SMARCA2: variants seen among roughly 807,000 people sequenced by gnomAD.
SMARCA2 encodes the protein SWI/SNF related BAF chromatin remodeling complex subunit ATPase 2.
In SMARCA2, 61 loss-of-function variants were observed where a neutral mutation model predicts 199.8. That is an observed-to-expected ratio of 0.31 (90% CI 0.25 to 0.38). The LOEUF (loss-of-function observed/expected upper bound fraction) is 0.38, where lower values mean the gene tolerates loss of function less well. SMARCA2 is among the 10% of genes least tolerant of loss of function. The pLI, the probability that SMARCA2 is intolerant of heterozygous loss-of-function variation, is 1.00. For synonymous variants in SMARCA2, 935 were observed against 732.0 expected (o/e 1.28, Z -4.48); for missense variants, 1,344 against 2,012.2 (o/e 0.67, Z 6.35).
At chr9:2,040,722 A>G (rs759866944) in intron 4 of SMARCA2, 6 of 152,368 alleles carry the variant, frequency 3.9e-5, no homozygotes, top group Non-Finnish European at 8.8e-5. Context: ...CAGATTCAAC[A>G]TGGCCTATTT....
Position 2,170,888 on chromosome 9 carries a change from G to C in SMARCA2, c.4253+416G>C, listed in dbSNP as rs116341506. 6.6e-6 allele frequency among the ~76,000 whole-genome samples: 1 copy of C among 152,162 alleles called. No individual in the cohort carries two copies. Among genetic ancestry groups the C allele is most frequent in the African/African-American group, 2.4e-5 (1 of 41,438 alleles). On this transcript the variant is annotated intron_variant, in intron 29 of 33. Transcript: ENST00000349721. The surrounding 1 kb of genome is among the most constrained non-coding windows in gnomAD (Gnocchi z 4.7). ...CACCTGTAGTGACTTGATCTCCTGC[G>C]AGACATGAAGAAGCGTGCATGTTCA...
chr9:2,156,712 T>C (rs1450936262), intron 27 of SMARCA2, among the ~76,000 whole-genome samples: 1 of 152,178 alleles, frequency 6.6e-6, no homozygotes, highest in Non-Finnish European at 1.5e-5. Context: ...ATTACAGGCA[T>C]GAGCCACCGT....
At chr9:2,076,711 T>G (rs918058302) in intron 13 of SMARCA2, among the ~76,000 whole-genome samples, 1 of 152,052 alleles carries the variant, frequency 6.6e-6, no homozygotes, top group Non-Finnish European at 1.5e-5. Context: ...CCTCCCTTAA[T>G]GATATCAGCA....
chr9:2,091,566 G>A (rs1232019223), intron 19 of SMARCA2, among the ~76,000 whole-genome samples: 1 of 152,254 alleles, frequency 6.6e-6, no homozygotes, highest in Non-Finnish European at 1.5e-5. Flanking sequence ...AACTTTTCAT[G>A]TACAGGTTTT....
intron 27 of SMARCA2, among the ~76,000 whole-genome samples, chr9:2,153,196 T>C (rs1825169025): frequency 6.6e-6 from 1 of 152,176 alleles, no homozygotes; most frequent in Non-Finnish European, 1.5e-5. Context: ...AGACGTGTAT[T>C]CTATATCGTA....
rs537714158 is a variant in SMARCA2 at position 2,175,201 on chromosome 9, A to G, written c.4253+4729A>G. ...CTGCACCCACTGTTATGAAACGTCA[A>G]GTGAGAAAGAGGGCAGAAAAGTAGC... is the stretch of plus-strand genomic sequence containing the variant. On this transcript the variant is annotated intron_variant, in intron 29 of 33. Coordinates refer to ENST00000349721, the MANE Select transcript of SMARCA2 (RefSeq NM_003070.5). Among the ~76,000 whole-genome samples the G allele has an allele frequency of 2.2e-4, 33 of 152,300 alleles. No individual in the cohort carries two copies. The Middle Eastern group carries it at 0.01, about 47-fold the overall frequency.
chr9:2,190,757 C>G (rs372425835), intron 32 of SMARCA2, among the ~76,000 whole-genome samples: 2 of 151,934 alleles, frequency 1.3e-5, no homozygotes, highest in African/African-American at 4.8e-5. Context: ...AGGAAGCATT[C>G]AAAAGTGTTT....
chr9:2,138,488 T>C (rs1305047098), intron 27 of SMARCA2, among the ~76,000 whole-genome samples: 4 of 152,318 alleles, frequency 2.6e-5, no homozygotes, highest in African/African-American at 4.8e-5. Flanking sequence ...AGAATATCTT[T>C]CCCTTGGACC....
chr9:2,159,706 G>A (rs1340094700), intron 27 of SMARCA2: 6 of 1,415,032 alleles, frequency 4.2e-6, no homozygotes, highest in Non-Finnish European at 4.8e-6. Context: ...GCATGAAACA[G>A]CAGATTTGAG....
intron 1 of SMARCA2, among the ~76,000 whole-genome samples, chr9:2,026,466 GA>G (rs1278876997): frequency 1.3e-5 from 2 of 152,130 alleles, no homozygotes; most frequent in Non-Finnish European, 2.9e-5. Flanking sequence ...GACTATGTAT[GA>G]GTAATTACAA....
Position 2,043,067 on chromosome 9 carries a change from A to G in SMARCA2, c.790+3167A>G, listed in dbSNP as rs182265129. On this transcript the variant is annotated intron_variant, in intron 4 of 33. Transcript: ENST00000349721. ...TGTTAAAGTTCATATTAGTCTATTT[A>G]TTGTTTATCTCCTTTTTATAAAATA... 18 of 152,216 alleles carry G rather than the reference A, an allele frequency of 1.2e-4. 1 individual carries two copies. Among genetic ancestry groups the G allele is most frequent in the African/African-American group, 3.9e-4 (16 of 41,546 alleles). The allele number at this position is 152,216 out of a possible 1,614,324, so 9.4% of individuals were successfully genotyped here.
intron 20 of SMARCA2, 103 bp downstream of exon 20, chr9:2,096,867 T>TA: frequency 2.6e-6 from 2 of 767,946 alleles, no homozygotes; most frequent in Non-Finnish European, 4.7e-6. Flanking sequence ...GCTGATTTGT[T>TA]AAAGTAAATC....
chr9:2,184,804 G>C (rs1206542056), intron 31 of SMARCA2, among the ~76,000 whole-genome samples: 1 of 151,828 alleles, frequency 6.6e-6, no homozygotes. Flanking sequence ...TTAAGATCCA[G>C]CTCAACTCTG....
chr9:2,097,549 A>G (rs202089422), intron 21 of SMARCA2, 78 bp downstream of exon 21: 1 of 396,538 alleles, frequency 2.5e-6, no homozygotes, highest in Non-Finnish European at 3.6e-6. Context: ...AACAAACAGG[A>G]AAAAAAAAAA....
chr9:2,021,714 TA>T (rs2130133640), intron 1 of SMARCA2, among the ~76,000 whole-genome samples: 1 of 152,374 alleles, frequency 6.6e-6, no homozygotes, highest in South Asian at 2.1e-4. Flanking sequence ...AGATGATCTG[TA>T]ATTGATAATT....
rs374181473 is a variant in SMARCA2 at position 2,017,775 on chromosome 9, C to T, written c.-37+2371C>T. The T allele has an allele frequency of 1.3e-5, 2 of 152,502 alleles. No homozygotes were observed. Among genetic ancestry groups the T allele is most frequent in the Non-Finnish European group, 2.9e-5 (2 of 68,188 alleles). The allele number at this position is 152,502 out of a possible 1,614,324, so 9.4% of individuals were successfully genotyped here. A position where few individuals can be genotyped will look rare whatever the true frequency, so the allele number is the denominator to read the frequency against. On this transcript the variant is annotated intron_variant, in intron 1 of 33. Transcript: ENST00000349721. The surrounding 1 kb of genome is among the most constrained non-coding windows in gnomAD (Gnocchi z 8.8). Reference sequence around the variant, plus strand: ...CACCCCAAGCTCCGCGAACCCCGCGCCCCTTTTTGTTCCGCGTCCTCCAGG... The same window carrying T: ...CACCCCAAGCTCCGCGAACCCCGCGTCCCTTTTTGTTCCGCGTCCTCCAGG...
At chr9:2,060,762 G>C (rs1459835721) in intron 8 of SMARCA2, 54 bp from the exon 9 acceptor site, 1 of 1,535,230 alleles carries the variant, frequency 6.5e-7, no homozygotes, top group African/African-American at 1.4e-5. Flanking sequence ...GTGGAGAGTG[G>C]AGTTGTCTGC....
intron 7 of SMARCA2, among the ~76,000 whole-genome samples, chr9:2,057,601 G>C (rs1211699824): frequency 6.6e-6 from 1 of 152,166 alleles, no homozygotes; most frequent in African/African-American, 2.4e-5. Flanking sequence ...TAGTGTCCTG[G>C]CTTCTCTGAA....
chr9:2,082,685 G>C (rs371272234), intron 15 of SMARCA2, among the ~76,000 whole-genome samples: 1 of 152,198 alleles, frequency 6.6e-6, no homozygotes, highest in Non-Finnish European at 1.5e-5. Context: ...GTTCACCAAG[G>C]TCTTGTTATA....
Sources: allele counts gnomAD v4.1 joint callset (sites outside exome capture counted in the v4.1 genomes callset), GRCh38; gene constraint gnomAD v4.1.1; non-coding constraint Gnocchi (gnomAD v3.1); transcripts MANE v1.5; gene names NCBI Gene and HGNC (gene_info 2026-07-23, HGNC 2026-07-21).